Variants in NUDCD1 observed in about 807,000 individuals in gnomAD.
NUDCD1 encodes NudC domain containing 1.
A neutral mutation model predicts 67.8 loss-of-function variants in NUDCD1; 60 were observed. That is an observed-to-expected ratio of 0.88 (90% CI 0.72 to 1.10). NUDCD1 has a LOEUF of 1.10. Among genes scored for constraint, NUDCD1 ranks in the 50% least tolerant of loss-of-function variants. The probability of loss-of-function intolerance (pLI) is 0.00; values close to 1 mark genes in which losing one functional copy is unlikely to be tolerated. For synonymous variants in NUDCD1, 244 were observed against 230.8 expected (o/e 1.06, Z -0.52); for missense variants, 643 against 695.0 (o/e 0.93, Z 0.84).
At position 109,242,163 on chromosome 8, in the gene NUDCD1, T is replaced by C. The variant is rs967585076; in HGVS notation, c.*846A>G. 23 of 397,828 alleles carry C rather than the reference T, an allele frequency of 5.8e-5. No homozygotes were observed. The highest frequency in any genetic ancestry group is 8.9e-5 in the Non-Finnish European group (20 of 225,568). The allele number at this position is 397,828 out of a possible 1,614,324, so 24.6% of individuals were successfully genotyped here. ...CTCATTCTGACTCTAGACTTGGCCA[T>C]GTGATTTGCTTTGTCCAATGGAACA... On this transcript the variant is annotated 3_prime_UTR_variant, in exon 10 of 10. Transcript: ENST00000239690.
At chr8:109,266,392 A>ATTTTT (rs71305931) in intron 8 of NUDCD1, among the ~76,000 whole-genome samples, 3 of 87,508 alleles carry the variant, frequency 3.4e-5, no homozygotes, top group Admixed American at 1.5e-4. Context: ...TGCCCGGCTA[A>ATTTTT]TTTTTTTTTT....
At chr8:109,261,753 CT>C (rs1295607894) in intron 8 of NUDCD1, among the ~76,000 whole-genome samples, 83 of 152,108 alleles carry the variant, frequency 5.5e-4, no homozygotes, top group Admixed American at 3.7e-3. Flanking sequence ...TAATAAAAGA[CT>C]TCTACTTAAA....
intron 5 of NUDCD1, among the ~76,000 whole-genome samples, chr8:109,282,681 G>T (rs61706619): frequency 6.6e-6 from 1 of 151,190 alleles, no homozygotes; most frequent in Non-Finnish European, 1.5e-5. Context: ...CGGGGTTGTC[G>T]GGGGGTGGGG....
chr8:109,241,265 A>C lies in NUDCD1; in HGVS notation c.*1744T>G, dbSNP rs931439026. ...AAGAATATTGATTACTAAAATTGGCAATATATACATAGTCATGGTTAATTA... is the reference window on the plus strand; with the variant it reads ...AAGAATATTGATTACTAAAATTGGCCATATATACATAGTCATGGTTAATTA... On this transcript the variant is annotated 3_prime_UTR_variant, in exon 10 of 10. Coordinates refer to ENST00000239690, the MANE Select transcript of NUDCD1 (RefSeq NM_032869.4). The C allele has an allele frequency of 4.6e-5, 7 of 152,308 alleles. No homozygotes were observed. Among genetic ancestry groups the C allele is most frequent in the African/African-American group, 1.7e-4 (7 of 41,572 alleles). The allele number at this position is 152,308 out of a possible 1,614,324, so 9.4% of individuals were successfully genotyped here.
intron 5 of NUDCD1, among the ~76,000 whole-genome samples, chr8:109,284,212 A>T (rs1814522646): frequency 6.6e-6 from 1 of 152,120 alleles, no homozygotes; most frequent in Non-Finnish European, 1.5e-5. Flanking sequence ...CATAATAATA[A>T]AGGGTTCAAT....
Position 109,309,017 on chromosome 8 carries a change from A to G in NUDCD1, c.274-12448T>C, listed in dbSNP as rs866316600. Among the ~76,000 whole-genome samples the G allele has an allele frequency of 3.3e-5, 5 of 152,120 alleles. No individual in the cohort carries two copies. The Middle Eastern group carries it at 0.014, about 417-fold the overall frequency. ...CGGGACCAGACAGATTCACAGCAGA[A>G]TTCTACCAGATGTTCAAAGAAGAAT... On this transcript the variant is annotated intron_variant, in intron 2 of 9. Transcript: ENST00000239690.
intron 6 of NUDCD1, among the ~76,000 whole-genome samples, chr8:109,279,937 T>C (rs1021934456): frequency 4.5e-4 from 68 of 152,324 alleles, no homozygotes; most frequent in South Asian, 1.0e-3. Flanking sequence ...TGGCCACTTA[T>C]GTATTTCTTT....
intron 3 of NUDCD1, among the ~76,000 whole-genome samples, chr8:109,296,101 C>G (rs1248801798): frequency 1.3e-5 from 2 of 152,048 alleles, no homozygotes; most frequent in African/African-American, 4.8e-5. Context: ...GGAGGCAACG[C>G]CAATGCTTAA....
At chr8:109,277,494 TAATAAACTACAG>T (rs1162027396) in intron 6 of NUDCD1, among the ~76,000 whole-genome samples, 2 of 151,658 alleles carry the variant, frequency 1.3e-5, no homozygotes, top group African/African-American at 4.8e-5. Flanking sequence ...ATGCCAAATA[TAATAAACTACAG>T]ATTAGTTAAA....
intron 8 of NUDCD1, among the ~76,000 whole-genome samples, chr8:109,270,076 G>GTGGCT (rs1429052064): frequency 1.6e-4 from 13 of 81,870 alleles, no homozygotes; most frequent in Non-Finnish European, 2.1e-4. Context: ...GCGGGGGGGG[G>GTGGCT]GGGGGGTGCC....
At chr8:109,310,304 T>A (rs1815212875) in intron 2 of NUDCD1, among the ~76,000 whole-genome samples, 1 of 151,884 alleles carries the variant, frequency 6.6e-6, no homozygotes, top group African/African-American at 2.4e-5. Context: ...AGAGAATCCA[T>A]AAACAAACCC....
At chr8:109,267,132 T>C (rs1411794223) in intron 8 of NUDCD1, among the ~76,000 whole-genome samples, 1 of 152,200 alleles carries the variant, frequency 6.6e-6, no homozygotes, top group African/African-American at 2.4e-5. Context: ...CTTATAATTT[T>C]TAAATTTTAT....
At chr8:109,317,879 GATATAT>G in intron 2 of NUDCD1, among the ~76,000 whole-genome samples, 1 of 152,044 alleles carries the variant, frequency 6.6e-6, no homozygotes, top group African/African-American at 2.4e-5. Flanking sequence ...TGAAGCCAAG[GATATAT>G]GGAGACTGCT....
chr8:109,245,276 CTG>C lies in NUDCD1; in HGVS notation c.1459+44_1459+45del, dbSNP rs762575055. The C allele has an allele frequency of 1.0e-5, 16 of 1,541,818 alleles. No homozygotes were observed. In the Admixed American group the frequency reaches 2.1e-4, roughly 21 times the overall value. ...GAAATGAACTTTAAATGAATGATGACTGTATTTCTGATTTCATGGAAAATGTC... is the reference window on the plus strand; with the variant it reads ...GAAATGAACTTTAAATGAATGATGACTATTTCTGATTTCATGGAAAATGTC... On this transcript the variant is annotated intron_variant, in intron 9 of 9. Coordinates refer to ENST00000239690, the MANE Select transcript of NUDCD1 (RefSeq NM_032869.4).
chr8:109,261,315 C>T (rs966510554), intron 8 of NUDCD1, among the ~76,000 whole-genome samples: 1 of 152,036 alleles, frequency 6.6e-6, no homozygotes, highest in Non-Finnish European at 1.5e-5. Flanking sequence ...AACATTAGCA[C>T]TGCTAGGTCA....
At chr8:109,273,892 A>G (rs1485644257) in intron 7 of NUDCD1, among the ~76,000 whole-genome samples, 1 of 152,144 alleles carries the variant, frequency 6.6e-6, no homozygotes, top group African/African-American at 2.4e-5. Flanking sequence ...CCTATCCAAT[A>G]TTCCTCACAA....
At chr8:109,311,853 G>A (rs556434238) in intron 2 of NUDCD1, among the ~76,000 whole-genome samples, 1 of 151,844 alleles carries the variant, frequency 6.6e-6, no homozygotes, top group South Asian at 2.1e-4. Context: ...CTCGGGTGAT[G>A]GCTTTACCAA....
chr8:109,296,767 G>C (rs1463041501), intron 2 of NUDCD1, among the ~76,000 whole-genome samples, 198 bp from the exon 3 acceptor site: 1 of 152,096 alleles, frequency 6.6e-6, no homozygotes, highest in Non-Finnish European at 1.5e-5. Flanking sequence ...ATGACTTCTA[G>C]AACTAGGTCA....
At chr8:109,252,158 T>C (rs1009102215) in intron 8 of NUDCD1, among the ~76,000 whole-genome samples, 2 of 152,088 alleles carry the variant, frequency 1.3e-5, no homozygotes, top group Non-Finnish European at 2.9e-5. Flanking sequence ...CTTCCTAGCC[T>C]GATGGTGAGG....
Sources: gnomAD v4.1 joint callset for allele counts (sites outside exome capture counted in the v4.1 genomes callset) on GRCh38, gnomAD v4.1.1 for gene constraint, MANE v1.5 for transcripts, NCBI Gene and HGNC (gene_info 2026-07-23, HGNC 2026-07-21) for gene names.